Variants in CEACAM6 observed in about 807,000 individuals in gnomAD.
CEACAM6 encodes the protein cell adhesion molecule CEACAM6.
Under a neutral mutation model 32.4 loss-of-function variants are expected in CEACAM6, and 21 were observed. The observed-to-expected ratio is 0.65, with a 90% CI of 0.46 to 0.93. The LOEUF is 0.93. CEACAM6 is among the 40% of genes least tolerant of loss of function. CEACAM6 has a pLI of 0.00. For synonymous variants in CEACAM6, 184 were observed against 174.4 expected, an observed-to-expected ratio of 1.06 and a Z score of -0.43; for missense variants, 406 against 432.2, an observed-to-expected ratio of 0.94 and a Z score of 0.54.
At position 41,760,468 on chromosome 19, in the gene CEACAM6, G is replaced by A. The variant is rs564862032; in HGVS notation, c.425-781G>A. Among the ~76,000 whole-genome samples, 23 of 152,282 alleles carry A rather than the reference G, an allele frequency of 1.5e-4. No individual in the cohort carries two copies. The South Asian group carries it at 4.4e-3, about 29-fold the overall frequency. ...ATGTGTTTATGGAGAGAGCCACAGGGTCCTCACCTGCCCTCCGCAGAGGGA... is the reference window on the plus strand; with the variant it reads ...ATGTGTTTATGGAGAGAGCCACAGGATCCTCACCTGCCCTCCGCAGAGGGA... On this transcript the variant is annotated intron_variant, in intron 2 of 5. Transcript: ENST00000199764.
intron 5 of CEACAM6, among the ~76,000 whole-genome samples, chr19:41,769,823 T>A (rs1555822804): frequency 6.7e-6 from 1 of 148,162 alleles, no homozygotes; most frequent in Non-Finnish European, 1.5e-5. Context: ...AATTAATAAT[T>A]ATTATTTAAC....
Position 41,755,617 on chromosome 19 carries a change from GACAGAGA to G in CEACAM6, c.-20_-14del. On this transcript the variant is annotated 5_prime_UTR_variant, in exon 1 of 6. Coordinates refer to ENST00000199764, the MANE Select transcript of CEACAM6 (RefSeq NM_002483.7). ...GCTCAAGCTCCTCTACAAAGAGGTG[GACAGAGA>G]AGACAGCAGAGACCATGGGACCCCC... is the stretch of plus-strand genomic sequence containing the variant. 1 of 1,611,982 alleles carries G rather than the reference GACAGAGA, an allele frequency of 6.2e-7. No homozygotes were observed. The highest frequency in any genetic ancestry group is 2.2e-5 in the East Asian group (1 of 44,606).
Position 41,756,898 on chromosome 19 carries a change from C to G in CEACAM6, c.363C>G (p.Thr121=). 6.2e-7 allele frequency: 1 copy of G among 1,613,962 alleles called. No individual in the cohort carries two copies. Among genetic ancestry groups the G allele is most frequent in the Non-Finnish European group, 8.5e-7 (1 of 1,179,936 alleles). Residue 121 remains threonine, a synonymous_variant, in exon 2 of 6, where the codon ACC becomes ACG. Transcript: ENST00000199764. ...CCCAGAATGACACAGGATTCTATAC[C>G]CTACAAGTCATAAAGTCAGATCTTG... ...NVTQNDTGFY[T]LQVIKSDLVN...
chr19:41,765,189 C>T (rs1568727599), intron 4 of CEACAM6, among the ~76,000 whole-genome samples: 1 of 152,190 alleles, frequency 6.6e-6, no homozygotes, highest in African/African-American at 2.4e-5. Context: ...TTCTCATCAC[C>T]CTAAGCCTCT....
At chr19:41,766,101 C>A in intron 4 of CEACAM6, 82 bp from the exon 5 acceptor site, 1 of 940,064 alleles carries the variant, frequency 1.1e-6, no homozygotes, top group Non-Finnish European at 1.6e-6. Context: ...CAAGTCAAGC[C>A]TACTTCATGT....
At chr19:41,767,111 T>TCCCAGTA (rs1408419164) in intron 5 of CEACAM6, among the ~76,000 whole-genome samples, 1 of 152,036 alleles carries the variant, frequency 6.6e-6, no homozygotes, top group Non-Finnish European at 1.5e-5. Context: ...TCCCTCTACT[T>TCCCAGTA]CCCAGTATAA....
Position 41,766,295 on chromosome 19 carries a change from G to A in CEACAM6, c.*36G>A, listed in dbSNP as rs782456709. On this transcript the variant is annotated 3_prime_UTR_variant, in exon 5 of 6. Transcript: ENST00000199764. Reference sequence around the variant, plus strand: ...GTATTTTCGATATTTCAGGAAGACTGGCAGGTATGATCGCCTTTCCTCTTG... The same window carrying A: ...GTATTTTCGATATTTCAGGAAGACTAGCAGGTATGATCGCCTTTCCTCTTG... The A allele has an allele frequency of 6.7e-7, 1 of 1,489,370 alleles. No homozygotes were observed. Among genetic ancestry groups the A allele is most frequent in the South Asian group, 1.2e-5 (1 of 80,916 alleles). 92.3% of individuals were successfully genotyped at this position (1,489,370 alleles called of 1,614,324 possible).
At chr19:41,760,105 A>G (rs1263884513) in intron 2 of CEACAM6, among the ~76,000 whole-genome samples, 1 of 152,210 alleles carries the variant, frequency 6.6e-6, no homozygotes, top group Non-Finnish European at 1.5e-5. Context: ...CAAGCTGTAC[A>G]GCAAATCTCT....
At position 41,762,116 on chromosome 19, in the gene CEACAM6, T is replaced by C; in HGVS notation, c.851T>C (p.Leu284Pro). Residue 284 changes from leucine (L) to proline (P), a missense_variant, in exon 4 of 6, where the codon CTC becomes CCC. Coordinates refer to ENST00000199764, the MANE Select transcript of CEACAM6 (RefSeq NM_002483.7). ...ACGTTCCAGCAATCCACACAAGAGC[T>C]CTTTATCCCCAACATCACTGTGAAT... ...NGTFQQSTQE[L>P]FIPNITVNNS... The C allele has an allele frequency of 1.9e-6, 3 of 1,614,198 alleles. No homozygotes were observed. Among genetic ancestry groups the C allele is most frequent in the Non-Finnish European group, 1.7e-6 (2 of 1,180,040 alleles).
intron 2 of CEACAM6, among the ~76,000 whole-genome samples, chr19:41,760,572 G>T (rs976522030): frequency 6.6e-6 from 1 of 152,180 alleles, no homozygotes; most frequent in African/African-American, 2.4e-5. Context: ...CCCCCTCACT[G>T]TCTTCTAGAT....
chr19:41,766,273 T>C lies in CEACAM6; in HGVS notation c.*14T>C, dbSNP rs782802201. On this transcript the variant is annotated 3_prime_UTR_variant, in exon 5 of 6. Transcript: ENST00000199764. ...GCTCTGATATAGCAGCCCTGGTGTA[T>C]TTTCGATATTTCAGGAAGACTGGCA... 1.0e-5 allele frequency: 16 copies of C among 1,569,336 alleles called. No individual in the cohort carries two copies. Among genetic ancestry groups the C allele is most frequent in the Non-Finnish European group, 1.4e-5 (16 of 1,157,500 alleles).
At position 41,761,503 on chromosome 19, in the gene CEACAM6, G is replaced by T. The variant is rs2072924138; in HGVS notation, c.679G>T (p.Asp227Tyr). The change falls in exon 3 of 6, where the codon GAC becomes TAC. Residue 227 changes from aspartate to tyrosine, a missense_variant. Asp to Tyr is a radical substitution (Grantham distance 160). Coordinates refer to ENST00000199764, the MANE Select transcript of CEACAM6 (RefSeq NM_002483.7). Reference sequence around the variant, plus strand: ...GAACCCAGCGAGTGCCAACCGCAGTGACCCAGTCACCCTGAATGTCCTCTG... The same window carrying T: ...GAACCCAGCGAGTGCCAACCGCAGTTACCCAGTCACCCTGAATGTCCTCTG... ...IQNPASANRS[D>Y]PVTLNVLYGP... 1 of 1,614,078 alleles carries T rather than the reference G, an allele frequency of 6.2e-7. No individual in the cohort carries two copies. The highest frequency in any genetic ancestry group is 1.3e-5 in the African/African-American group (1 of 74,924).
At chr19:41,769,644 C>A (rs929276667) in intron 5 of CEACAM6, among the ~76,000 whole-genome samples, 1 of 151,540 alleles carries the variant, frequency 6.6e-6, no homozygotes, top group African/African-American at 2.4e-5. Flanking sequence ...TTCTCCCTAC[C>A]TGACTGCTCC....
intron 4 of CEACAM6, among the ~76,000 whole-genome samples, chr19:41,762,852 C>T (rs113034598): frequency 0.012 from 1,852 of 152,282 alleles, 23 homozygotes; most frequent in South Asian, 0.047. Context: ...ACACCAAAGC[C>T]TCCCCTGGAT....
intron 4 of CEACAM6, among the ~76,000 whole-genome samples, chr19:41,764,479 T>C (rs1027437464): frequency 1.3e-5 from 2 of 151,712 alleles, no homozygotes; most frequent in African/African-American, 4.8e-5. Flanking sequence ...ATGTGGAGAC[T>C]GTGTCGCCCT....
intron 4 of CEACAM6, 45 bp from the exon 5 acceptor site, chr19:41,766,138 T>C (rs1555822364): frequency 7.0e-7 from 1 of 1,424,760 alleles, no homozygotes; most frequent in East Asian, 2.4e-5. Context: ...GGGACCCCAC[T>C]GTAGAATAAC....
rs146516997 is a variant in CEACAM6, at chr19:41,762,184, G to T, written c.919G>T (p.Gly307Cys). The change falls in exon 4 of 6, where the codon GGC (glycine) becomes TGC (cysteine). Residue 307 changes from glycine to cysteine, a missense_variant. Coordinates refer to ENST00000199764, the MANE Select transcript of CEACAM6 (RefSeq NM_002483.7). The stretch of plus-strand genomic sequence containing the variant: ...GTGCCAAGCCCATAACTCAGCCACT[G>T]GCCTCAATAGGACCACAGTCACGAT... ...YMCQAHNSAT[G>C]LNRTTVTMIT... is the part of the protein sequence containing the mutation. 2,947 of 1,614,106 alleles carry T rather than the reference G, an allele frequency of 1.8e-3. 5 individuals carry two copies. The highest frequency in any genetic ancestry group is 3.1e-3 in the Middle Eastern group (19 of 6,062).
intron 4 of CEACAM6, among the ~76,000 whole-genome samples, chr19:41,765,010 AT>A (rs2072948536): frequency 6.6e-6 from 1 of 152,214 alleles, no homozygotes; most frequent in South Asian, 2.1e-4. Context: ...CGTTTTGAAG[AT>A]TTAATGTAAC....
In CEACAM6 at chr19:41,756,761, A is replaced by C. The variant is rs1555821150; in HGVS notation, c.226A>C (p.Asn76His). Reference protein sequence around the residue: ...SWYKGERVDGNSLIVGYVIGT... With the variant: ...SWYKGERVDGHSLIVGYVIGT... ...GTACAAAGGCGAAAGAGTGGATGGC[A>C]ACAGTCTAATTGTAGGATATGTAAT... Residue 76 changes from asparagine to histidine, a missense_variant, in exon 2 of 6, where the codon AAC (asparagine) becomes CAC (histidine). By Grantham distance (68) the Asn-to-His change is moderately conservative. Coordinates refer to ENST00000199764, the MANE Select transcript of CEACAM6 (RefSeq NM_002483.7). 4 of 1,613,962 alleles carry C rather than the reference A, an allele frequency of 2.5e-6. No individual in the cohort carries two copies. The African/African-American group carries it at 5.3e-5, about 22-fold the overall frequency.
Sources: gnomAD v4.1 joint callset for allele counts (sites outside exome capture counted in the v4.1 genomes callset) on GRCh38, gnomAD v4.1.1 for gene constraint, MANE v1.5 for transcripts, NCBI Gene and HGNC (gene_info 2026-07-23, HGNC 2026-07-21) for gene names.